The following RAB11FIP4 variants were observed in gnomAD, a reference collection of about 807,000 sequenced individuals.
RAB11FIP4 encodes RAB11 family interacting protein 4.
A neutral mutation model predicts 74.3 loss-of-function variants in RAB11FIP4; 23 were observed. That is an observed-to-expected ratio of 0.31 (90% CI 0.22 to 0.44). The LOEUF is 0.44. RAB11FIP4 is among the 20% of genes least tolerant of loss of function. The pLI, the probability that RAB11FIP4 is intolerant of heterozygous loss-of-function variation, is 1.00. For missense variants in RAB11FIP4, 630 were observed against 863.9 expected, an observed-to-expected ratio of 0.73 and a Z score of 3.39; for synonymous variants, 360 against 359.9, an observed-to-expected ratio of 1.00 and a Z score of 0.00.
chr17:31,436,872 C>T (rs1358929181), intron 3 of RAB11FIP4, among the ~76,000 whole-genome samples: 1 of 151,460 alleles, frequency 6.6e-6, no homozygotes, highest in African/African-American at 2.4e-5. Flanking sequence ...ACTGCAAGCT[C>T]CGCCTCCCGG....
chr17:31,420,628 AC>A (rs971012867), intron 1 of RAB11FIP4, among the ~76,000 whole-genome samples: 3 of 151,658 alleles, frequency 2.0e-5, no homozygotes, highest in African/African-American at 7.3e-5. Flanking sequence ...CAAAAAAAAA[AC>A]CAGATTTGGG....
intron 1 of RAB11FIP4, among the ~76,000 whole-genome samples, chr17:31,393,446 C>T (rs1343968219): frequency 2.0e-5 from 3 of 152,206 alleles, no homozygotes; most frequent in South Asian, 2.1e-4. Flanking sequence ...CCTGGAGTCC[C>T]CGAACTCAGA....
At chr17:31,488,877 G>T (rs2071953285) in intron 3 of RAB11FIP4, among the ~76,000 whole-genome samples, 1 of 152,198 alleles carries the variant, frequency 6.6e-6, no homozygotes, top group African/African-American at 2.4e-5. Context: ...TCTCTGTGCG[G>T]GCGACAAGTG....
At chr17:31,474,987 A>G (rs1474395444) in intron 3 of RAB11FIP4, among the ~76,000 whole-genome samples, 1 of 152,174 alleles carries the variant, frequency 6.6e-6, no homozygotes, top group Non-Finnish European at 1.5e-5. Flanking sequence ...TGTGGTGTTC[A>G]GGGAGGAACT....
intron 1 of RAB11FIP4, among the ~76,000 whole-genome samples, chr17:31,402,241 T>C (rs944584339): frequency 2.8e-5 from 4 of 144,840 alleles, no homozygotes; most frequent in Admixed American, 1.4e-4. Context: ...ACCCACCATC[T>C]ACCACTTCCT....
intron 3 of RAB11FIP4, among the ~76,000 whole-genome samples, chr17:31,496,351 T>C (rs990272882): frequency 4.6e-5 from 7 of 152,202 alleles, no homozygotes; most frequent in African/African-American, 1.7e-4. Context: ...CATGGCTGTG[T>C]GCAAGGCAAC....
At chr17:31,486,346 T>C (rs1157210639) in intron 3 of RAB11FIP4, among the ~76,000 whole-genome samples, 1 of 151,916 alleles carries the variant, frequency 6.6e-6, no homozygotes, top group African/African-American at 2.4e-5. Flanking sequence ...GCTCAAGTGA[T>C]CCTCTTCAGC....
At chr17:31,472,726 G>A (rs984715218) in intron 3 of RAB11FIP4, among the ~76,000 whole-genome samples, 3 of 152,124 alleles carry the variant, frequency 2.0e-5, no homozygotes, top group Admixed American at 6.6e-5. Context: ...GACGTGAGCC[G>A]AGCCAGACAG....
chr17:31,500,243 A>G (rs984506710), intron 3 of RAB11FIP4, among the ~76,000 whole-genome samples: 1 of 152,166 alleles, frequency 6.6e-6, no homozygotes, highest in Non-Finnish European at 1.5e-5. Flanking sequence ...CCTTGGTTAC[A>G]AACCAGCTCT....
At chr17:31,423,717 T>C (rs2071221182) in intron 1 of RAB11FIP4, among the ~76,000 whole-genome samples, 1 of 152,158 alleles carries the variant, frequency 6.6e-6, no homozygotes, top group African/African-American at 2.4e-5. Context: ...CTCAGAGTCT[T>C]TGGTAGGTTA....
At chr17:31,511,163 C>T (rs2072444421) in intron 3 of RAB11FIP4, among the ~76,000 whole-genome samples, 1 of 152,162 alleles carries the variant, frequency 6.6e-6, no homozygotes, top group Non-Finnish European at 1.5e-5. Flanking sequence ...AGGCACTGAG[C>T]AGTTCAGTAA....
Position 31,479,514 on chromosome 17 carries a change from C to A in RAB11FIP4, c.337-38137C>A, listed in dbSNP as rs542555536. Among the ~76,000 whole-genome samples, 30 of 152,276 alleles carry A rather than the reference C, an allele frequency of 2.0e-4. No homozygotes were observed. In the South Asian group the frequency reaches 6.2e-3, roughly 32 times the overall value. On this transcript the variant is annotated intron_variant, in intron 3 of 14. Transcript: ENST00000621161. ...GTCCAAAGACACCAGGGGCATGGAC[C>A]CTGTCCTCAGGAATTGCAGAATGGT...
chr17:31,396,167 G>C (rs2070927150), intron 1 of RAB11FIP4, among the ~76,000 whole-genome samples: 1 of 145,448 alleles, frequency 6.9e-6, no homozygotes, highest in Non-Finnish European at 1.5e-5. Context: ...CTGGGTGACA[G>C]AGTGAGACCC....
At chr17:31,428,867 A>T (rs2071278840) in intron 1 of RAB11FIP4, among the ~76,000 whole-genome samples, 1 of 152,200 alleles carries the variant, frequency 6.6e-6, no homozygotes, top group South Asian at 2.1e-4. Context: ...CCTTGAGCCC[A>T]GGCATTTGAG....
At chr17:31,409,060 T>G (rs1416452711) in intron 1 of RAB11FIP4, among the ~76,000 whole-genome samples, 1 of 152,176 alleles carries the variant, frequency 6.6e-6, no homozygotes, top group East Asian at 1.9e-4. Flanking sequence ...GGCAGCCAGA[T>G]GCAGCTAGCT....
chr17:31,517,718 CCGAGGA>C lies in RAB11FIP4; in HGVS notation c.411_416del (p.Asp137_Glu138del). 6.2e-7 allele frequency: 1 copy of C among 1,604,084 alleles called. No individual in the cohort carries two copies. Among genetic ancestry groups the C allele is most frequent in the Non-Finnish European group, 8.5e-7 (1 of 1,176,000 alleles). On this transcript the variant is annotated inframe_deletion, in exon 4 of 15. Coordinates refer to ENST00000621161, the MANE Select transcript of RAB11FIP4 (RefSeq NM_032932.6). ...ATCCCCAGGGAACCCGGCTTTTTTCCCGAGGACGAGGAGGAGGCTATGACGCTGGCG... is the reference window on the plus strand; with the variant it reads ...ATCCCCAGGGAACCCGGCTTTTTTCCCGAGGAGGAGGCTATGACGCTGGCG...
At chr17:31,433,998 C>T (rs200345178) in intron 2 of RAB11FIP4, 36 bp from the exon 3 acceptor site, 5 of 1,546,238 alleles carry the variant, frequency 3.2e-6, no homozygotes, top group Non-Finnish European at 4.4e-6. Context: ...TGAGGCTCAA[C>T]CCCTCACTGT....
At chr17:31,529,515 C>T (rs573724778) in intron 13 of RAB11FIP4, among the ~76,000 whole-genome samples, 240 of 152,324 alleles carry the variant, frequency 1.6e-3, no homozygotes, top group African/African-American at 5.4e-3. Flanking sequence ...GATCCTCCCA[C>T]CCTTAGTCTT....
intron 3 of RAB11FIP4, among the ~76,000 whole-genome samples, chr17:31,489,096 A>G (rs1298855304): frequency 6.6e-6 from 1 of 151,896 alleles, no homozygotes; most frequent in East Asian, 1.9e-4. Flanking sequence ...TGACTGACCG[A>G]TTTTCTCAAA....
Sources: gnomAD v4.1 joint callset for allele counts (sites outside exome capture counted in the v4.1 genomes callset) on GRCh38, gnomAD v4.1.1 for gene constraint, MANE v1.5 for transcripts, NCBI Gene and HGNC (gene_info 2026-07-23, HGNC 2026-07-21) for gene names.